HKDC1: variants seen among roughly 807,000 people sequenced by gnomAD.
The protein encoded by HKDC1 is hexokinase HKDC1.
In HKDC1, 66 loss-of-function variants were observed where a neutral mutation model predicts 96.6. That is an observed-to-expected ratio of 0.68 (90% CI 0.56 to 0.84). The LOEUF is 0.84. Among genes scored for constraint, HKDC1 ranks in the 40% least tolerant of loss-of-function variants. The pLI is 0.00. For missense variants in HKDC1, 1,211 were observed against 1,208.1 expected (o/e 1.00, Z -0.04); for synonymous variants, 466 against 473.1 (o/e 0.98, Z 0.20).
At chr10:69,233,211 CA>C (rs1261754769) in intron 4 of HKDC1, 78 bp downstream of exon 4, 1 of 1,553,184 alleles carries the variant, frequency 6.4e-7, no homozygotes, top group Non-Finnish European at 8.7e-7. Context: ...AGGCTGCACG[CA>C]GGAGAGAACA....
chr10:69,241,180 A>C (rs532294612), intron 6 of HKDC1, among the ~76,000 whole-genome samples: 18 of 152,336 alleles, frequency 1.2e-4, no homozygotes, highest in African/African-American at 4.1e-4. Context: ...GATGCAAACC[A>C]GGGAGCAAGG....
intron 10 of HKDC1, chr10:69,248,947 A>C (rs1843590947): frequency 5.5e-6 from 3 of 545,604 alleles, no homozygotes; most frequent in Non-Finnish European, 6.4e-6. Flanking sequence ...AAAACACAAA[A>C]AGCCTACATT....
At chr10:69,242,415 G>A (rs557213040) in intron 6 of HKDC1, among the ~76,000 whole-genome samples, 1 of 122,454 alleles carries the variant, frequency 8.2e-6, no homozygotes, top group South Asian at 2.9e-4. Context: ...TATCAGCCAA[G>A]GGAAGATACT....
intron 1 of HKDC1, among the ~76,000 whole-genome samples, chr10:69,224,942 T>C (rs1170313933): frequency 1.3e-5 from 2 of 152,210 alleles, no homozygotes; most frequent in African/African-American, 4.8e-5. Flanking sequence ...CCCACATGAC[T>C]TGTTTGGATT....
At chr10:69,265,941 A>AGT in intron 17 of HKDC1, 123 bp downstream of exon 17, 1 of 729,380 alleles carries the variant, frequency 1.4e-6, no homozygotes, top group Non-Finnish European at 2.3e-6. Flanking sequence ...ATGGGAAAGG[A>AGT]GTGCTGTGTG....
intron 16 of HKDC1, 180 bp from the exon 17 acceptor site, chr10:69,265,405 G>A: frequency 3.2e-6 from 2 of 617,420 alleles, no homozygotes; most frequent in South Asian, 2.0e-5. Flanking sequence ...GAACTTCCAG[G>A]GGTGGTGGAC....
intron 16 of HKDC1, 48 bp from the exon 17 acceptor site, chr10:69,265,537 C>T (rs1589418567): frequency 6.4e-7 from 1 of 1,550,634 alleles, no homozygotes. Context: ...TGGGCACATC[C>T]CGGGGTCCTG....
At position 69,258,799 on chromosome 10, in the gene HKDC1, A is replaced by C; in HGVS notation, c.2056A>C (p.Met686Leu). The C allele has an allele frequency of 6.2e-7, 1 of 1,614,162 alleles. No individual in the cohort carries two copies. Among genetic ancestry groups the C allele is most frequent in the Non-Finnish European group, 8.5e-7 (1 of 1,180,032 alleles). Residue 686 changes from methionine (M) to leucine (L), a missense_variant, in exon 15 of 18, where the codon ATG (methionine) becomes CTG (leucine). By Grantham distance (15) the Met-to-Leu change is conservative (BLOSUM62 2). Coordinates refer to ENST00000354624, the MANE Select transcript of HKDC1 (RefSeq NM_025130.4). The part of the protein sequence containing the change: ...IAGTGSNMCY[M>L]EDMRNIEMVE... ...AGGAACAGGCAGCAACATGTGCTAC[A>C]TGGAGGACATGAGGAACATCGAGAT...
intron 12 of HKDC1, among the ~76,000 whole-genome samples, chr10:69,253,741 G>C (rs1244906743): frequency 6.6e-6 from 1 of 152,126 alleles, no homozygotes; most frequent in African/African-American, 2.4e-5. Flanking sequence ...ATCCAGTGCT[G>C]GTAATGGTGG....
Position 69,240,744 on chromosome 10 carries a change from C to T in HKDC1, c.684C>T (p.Val228=), listed in dbSNP as rs754928655. Residue 228 remains valine, a synonymous_variant, in exon 6 of 18, where the codon GTC becomes GTT. Coordinates refer to ENST00000354624, the MANE Select transcript of HKDC1 (RefSeq NM_025130.4). ...AYDDPYCEVG[V]IIGTGTNACY... ...ACGACCCCTACTGCGAAGTTGGTGT[C>T]ATCATCGGTAACTCAATTGGACTGG... The T allele has an allele frequency of 6.2e-7, 1 of 1,613,374 alleles. No homozygotes were observed. Among genetic ancestry groups the T allele is most frequent in the Non-Finnish European group, 8.5e-7 (1 of 1,179,362 alleles).
chr10:69,260,499 T>C (rs1299957022), intron 15 of HKDC1, among the ~76,000 whole-genome samples: 1 of 152,180 alleles, frequency 6.6e-6, no homozygotes, highest in Non-Finnish European at 1.5e-5. Context: ...GAACTTGCCT[T>C]GAAATCACCA....
rs896290818 is a variant in HKDC1, at chr10:69,240,750, C to T, written c.690C>T (p.Ile230=). 5.0e-6 allele frequency: 8 copies of T among 1,611,768 alleles called. No individual in the cohort carries two copies. Among genetic ancestry groups the T allele is most frequent in the Non-Finnish European group, 6.8e-6 (8 of 1,178,080 alleles). The part of the protein sequence containing the change: ...DDPYCEVGVI[I]GTGTNACYME... ...CCTACTGCGAAGTTGGTGTCATCAT[C>T]GGTAACTCAATTGGACTGGTTTTTT... The change falls in exon 6 of 18, where the codon ATC becomes ATT. Residue 230 remains isoleucine (I), a splice_region_variant and synonymous_variant. Coordinates refer to ENST00000354624, the MANE Select transcript of HKDC1 (RefSeq NM_025130.4).
rs267602559 is a variant in HKDC1 at position 69,247,549 on chromosome 10, G to A, written c.1221G>A (p.Arg407=). The A allele has an allele frequency of 3.0e-5, 48 of 1,614,008 alleles. No homozygotes were observed. The highest frequency in any genetic ancestry group is 3.3e-4 in the Middle Eastern group (2 of 6,084). The change falls in exon 9 of 18, where the codon CGG becomes CGA. Residue 407 remains arginine, a synonymous_variant. Transcript: ENST00000354624. ...AGAACAAGAAGGTGGAACGGCTCCGGACCACAGTGGGCATGGACGGCACCC... is the reference window on the plus strand; with the variant it reads ...AGAACAAGAAGGTGGAACGGCTCCGAACCACAGTGGGCATGGACGGCACCC... The part of the protein sequence containing the change: ...LRENKKVERL[R]TTVGMDGTLY...
chr10:69,253,711 C>A (rs1159435403), intron 12 of HKDC1, among the ~76,000 whole-genome samples: 1 of 152,052 alleles, frequency 6.6e-6, no homozygotes, highest in African/African-American at 2.4e-5. Context: ...TGAAATTCAG[C>A]CTGGAAAAGG....
At chr10:69,221,750 T>C (rs897817295) in intron 1 of HKDC1, among the ~76,000 whole-genome samples, 1 of 151,278 alleles carries the variant, frequency 6.6e-6, no homozygotes, top group African/African-American at 2.4e-5. Context: ...CTGGGCAACA[T>C]GGAGCAACCC....
chr10:69,262,393 T>C (rs1843823342), intron 16 of HKDC1, among the ~76,000 whole-genome samples: 2 of 152,030 alleles, frequency 1.3e-5, no homozygotes, highest in South Asian at 4.1e-4. Flanking sequence ...GTTAAAAGAG[T>C]ATTTCACCAT....
chr10:69,259,052 G>A, intron 15 of HKDC1, 93 bp downstream of exon 15: 1 of 955,150 alleles, frequency 1.0e-6, no homozygotes, highest in Non-Finnish European at 1.5e-6. Flanking sequence ...AGCTTTGTGT[G>A]CTTATTACAG....
In HKDC1 at chr10:69,227,290, G is replaced by A; in HGVS notation, c.147G>A (p.Lys49=). ...GGCGGTTCCGGGCTGAGATGGAGAA[G>A]GGCCTGGCAAAGGACACCAACCCCA... ...IMRRFRAEME[K]GLAKDTNPTA... The change falls in exon 2 of 18, where the codon AAG becomes AAA. Residue 49 remains lysine, a synonymous_variant. Coordinates refer to ENST00000354624, the MANE Select transcript of HKDC1 (RefSeq NM_025130.4). 6.2e-7 allele frequency: 1 copy of A among 1,614,192 alleles called. No homozygotes were observed.
At chr10:69,240,168 C>G (rs1379561378) in intron 5 of HKDC1, among the ~76,000 whole-genome samples, 1 of 151,980 alleles carries the variant, frequency 6.6e-6, no homozygotes, top group African/African-American at 2.4e-5. Flanking sequence ...AAGGCTGAAA[C>G]CTGGGTGTGA....
Sources: allele counts gnomAD v4.1 joint callset (sites outside exome capture counted in the v4.1 genomes callset), GRCh38; gene constraint gnomAD v4.1.1; transcripts MANE v1.5; gene names NCBI Gene and HGNC (gene_info 2026-07-23, HGNC 2026-07-21).